The following DYM variants were observed in gnomAD, a reference collection of about 807,000 sequenced individuals.
DYM encodes dymeclin, also known as dyggve-Melchior-Clausen syndrome protein.
DYM carries 78 observed loss-of-function variants against 93.1 expected under a neutral mutation model. The ratio of observed to expected loss-of-function variants is 0.84; its 90% CI spans 0.70 to 1.01. The LOEUF is 1.01. DYM is among the 50% of genes least tolerant of loss of function. The pLI, the probability that DYM is intolerant of heterozygous loss-of-function variation, is 0.00. For synonymous variants in DYM, 321 were observed against 319.7 expected, an observed-to-expected ratio of 1.00 and a Z score of -0.04; for missense variants, 789 against 845.0, an observed-to-expected ratio of 0.93 and a Z score of 0.82.
chr18:49,233,387 C>T (rs1225653401), intron 13 of DYM, among the ~76,000 whole-genome samples: 1 of 151,044 alleles, frequency 6.6e-6, no homozygotes, highest in Non-Finnish European at 1.5e-5. Context: ...AAACACCTTT[C>T]GCAGAACAGT....
At chr18:49,325,912 G>A (rs937477182) in intron 8 of DYM, among the ~76,000 whole-genome samples, 5 of 152,150 alleles carry the variant, frequency 3.3e-5, no homozygotes, top group Non-Finnish European at 5.9e-5. Context: ...TCCACCATAA[G>A]CTGCCTCGAA....
At chr18:49,372,064 G>A (rs748238217) in intron 5 of DYM, among the ~76,000 whole-genome samples, 1 of 152,204 alleles carries the variant, frequency 6.6e-6, no homozygotes, top group Non-Finnish European at 1.5e-5. Flanking sequence ...TCAATTGTTT[G>A]CAGATGGCCC....
intron 17 of DYM, among the ~76,000 whole-genome samples, chr18:49,055,276 G>A (rs972786557): frequency 4.6e-5 from 7 of 152,148 alleles, no homozygotes; most frequent in African/African-American, 1.7e-4. Flanking sequence ...GTGGAGGCAC[G>A]GAGGCAGCCT....
At chr18:49,079,172 G>A (rs1451871364) in intron 17 of DYM, among the ~76,000 whole-genome samples, 2 of 151,968 alleles carry the variant, frequency 1.3e-5, no homozygotes, top group African/African-American at 4.8e-5. Flanking sequence ...TTTCTCTGCT[G>A]GAATGTTCAT....
At chr18:49,252,234 A>AAAAAAAAAAAAAAAAAAAAAAAAAAAC (rs1477923877) in intron 13 of DYM, among the ~76,000 whole-genome samples, 1 of 146,780 alleles carries the variant, frequency 6.8e-6, no homozygotes, top group Non-Finnish European at 1.5e-5. Context: ...AAAAAAAAAA[A>AAAAAAAAAAAAAAAAAAAAAAAAAAAC]AAAAAAAAGA....
intron 11 of DYM, among the ~76,000 whole-genome samples, chr18:49,268,849 T>G (rs2094619622): frequency 6.6e-6 from 1 of 152,158 alleles, no homozygotes; most frequent in Non-Finnish European, 1.5e-5. Flanking sequence ...GTTGATTACA[T>G]CAGTGAAAAT....
intron 13 of DYM, 83 bp from the exon 14 acceptor site, chr18:49,209,798 G>C (rs2092696075): frequency 1.3e-5 from 12 of 958,520 alleles, no homozygotes; most frequent in Non-Finnish European, 1.6e-5. Context: ...TGTCCTCAAA[G>C]CTTTCTGTGT....
intron 17 of DYM, among the ~76,000 whole-genome samples, chr18:49,068,538 T>A (rs1292723482): frequency 6.6e-6 from 1 of 152,180 alleles, no homozygotes; most frequent in African/African-American, 2.4e-5. Context: ...ATATTGTTTT[T>A]AAGTCATTGT....
At chr18:49,090,299 C>G (rs2078927770) in intron 17 of DYM, among the ~76,000 whole-genome samples, 1 of 152,206 alleles carries the variant, frequency 6.6e-6, no homozygotes, top group Non-Finnish European at 1.5e-5. Flanking sequence ...AATGTCATCT[C>G]TCCTTTGAGG....
At chr18:49,044,846 C>T (rs1290836921) in intron 17 of DYM, among the ~76,000 whole-genome samples, 1 of 152,372 alleles carries the variant, frequency 6.6e-6, no homozygotes, top group South Asian at 2.1e-4. Context: ...AAGGCCTAGG[C>T]CTGGCTCTAC....
At chr18:49,059,590 C>T (rs2075782735) in intron 17 of DYM, among the ~76,000 whole-genome samples, 2 of 152,224 alleles carry the variant, frequency 1.3e-5, no homozygotes, top group African/African-American at 2.4e-5. Flanking sequence ...CCTGGCTGTT[C>T]CGGAAGTCAG....
At chr18:49,307,909 C>T (rs2061363870) in intron 8 of DYM, among the ~76,000 whole-genome samples, 1 of 152,162 alleles carries the variant, frequency 6.6e-6, no homozygotes, top group Non-Finnish European at 1.5e-5. Flanking sequence ...TTGATGTGAC[C>T]AAGTCAGGAA....
intron 17 of DYM, among the ~76,000 whole-genome samples, chr18:49,083,606 T>TA (rs1340094375): frequency 6.6e-6 from 1 of 152,226 alleles, no homozygotes; most frequent in Admixed American, 6.5e-5. Context: ...AAAAACTATT[T>TA]ACCAGTGAAG....
intron 10 of DYM, among the ~76,000 whole-genome samples, chr18:49,280,037 C>T (rs1568160534): frequency 1.3e-5 from 2 of 152,228 alleles, no homozygotes; most frequent in African/African-American, 2.4e-5. Context: ...CATTTCATTG[C>T]TGTCAGCCAG....
Position 49,221,284 on chromosome 18 carries a change from AG to A in DYM, c.1461-11570del, listed in dbSNP as rs1598732128. On this transcript the variant is annotated intron_variant, in intron 13 of 17. Transcript: ENST00000675505. ...GGTGCTGGAGAGGATGTGGAGAAAT[AG>A]GAACACTTTTACACTGTTGGTGGGA... Among the ~76,000 whole-genome samples, 4 of 152,228 alleles carry A rather than the reference AG, an allele frequency of 2.6e-5. No individual in the cohort carries two copies. The East Asian group carries it at 7.7e-4, about 29-fold the overall frequency.
At chr18:49,057,937 C>A (rs1378006663) in intron 17 of DYM, among the ~76,000 whole-genome samples, 1 of 152,184 alleles carries the variant, frequency 6.6e-6, no homozygotes, top group East Asian at 1.9e-4. Context: ...CTGGTGGAGA[C>A]TGGAGCTGAA....
intron 8 of DYM, among the ~76,000 whole-genome samples, chr18:49,331,439 G>T (rs2063297183): frequency 6.6e-6 from 1 of 152,204 alleles, no homozygotes; most frequent in Non-Finnish European, 1.5e-5. Flanking sequence ...TGTCACTGAA[G>T]AAAGCACTTA....
At chr18:49,199,382 T>C (rs2091815084) in intron 14 of DYM, among the ~76,000 whole-genome samples, 1 of 152,190 alleles carries the variant, frequency 6.6e-6, no homozygotes, top group Admixed American at 6.5e-5. Flanking sequence ...TATAATTAAA[T>C]AAAAAAATTT....
chr18:49,145,238 T>C (rs1223842459), intron 15 of DYM, among the ~76,000 whole-genome samples: 4 of 150,418 alleles, frequency 2.7e-5, no homozygotes, highest in Non-Finnish European at 5.9e-5. Flanking sequence ...TACACCCGTC[T>C]TGAAGTAACA....
Sources: gnomAD v4.1 joint callset for allele counts (sites outside exome capture counted in the v4.1 genomes callset) on GRCh38, gnomAD v4.1.1 for gene constraint, MANE v1.5 for transcripts, NCBI Gene and HGNC (gene_info 2026-07-23, HGNC 2026-07-21) for gene names.